The following NCOR2 variants were observed in gnomAD, a reference collection of about 807,000 sequenced individuals.
NCOR2 encodes CTG repeat protein 26.
Under a neutral mutation model 262.9 loss-of-function variants are expected in NCOR2, and 81 were observed. The observed-to-expected ratio is 0.31, with a 90% confidence interval of 0.26 to 0.37. The LOEUF is 0.37. NCOR2 is among the 10% of genes least tolerant of loss of function. The pLI is 1.00. For synonymous variants in NCOR2, 1,659 were observed against 1,559.3 expected (o/e 1.06, Z -1.51); for missense variants, 3,385 against 3,621.4 (o/e 0.93, Z 1.68).
intron 1 of NCOR2, among the ~76,000 whole-genome samples, chr12:124,505,137 A>G (rs2048975169): frequency 6.6e-6 from 1 of 151,876 alleles, no homozygotes; most frequent in Admixed American, 6.6e-5. Context: ...GGCTTTCCCT[A>G]TTTGCCACGT....
chr12:124,555,478 T>C (rs560745649), intron 1 of NCOR2, among the ~76,000 whole-genome samples: 5 of 152,276 alleles, frequency 3.3e-5, no homozygotes, highest in African/African-American at 7.2e-5. Flanking sequence ...GTATACATGC[T>C]CGGGTGTCAT....
At chr12:124,354,277 C>G in intron 26 of NCOR2, 81 bp from the exon 29 acceptor site, 2 of 1,375,074 alleles carry the variant, frequency 1.5e-6, no homozygotes. Flanking sequence ...GCCACCCTGA[C>G]TGAGAGACCC....
chr12:124,438,936 GAC>G (rs1281496552), intron 7 of NCOR2, among the ~76,000 whole-genome samples: 2 of 89,594 alleles, frequency 2.2e-5, no homozygotes, highest in Admixed American at 1.2e-4. Flanking sequence ...GAGACCCAGA[GAC>G]AGAGGGAGAG....
intron 1 of NCOR2, among the ~76,000 whole-genome samples, chr12:124,522,756 C>A (rs2050255835): frequency 2.0e-5 from 3 of 152,376 alleles, no homozygotes; most frequent in Admixed American, 2.0e-4. Flanking sequence ...CCGCTAGTTC[C>A]AGAAAACTGG....
Position 124,418,908 on chromosome 12 carries a change from C to T in NCOR2, c.1482+1049G>A, listed in dbSNP as rs555015750. ...CCCCAGTTTGCAAGGACGCTCCACGCGGCTCGTGCTATTCTTGGCCTTTGT... is the reference window on the plus strand; with the variant it reads ...CCCCAGTTTGCAAGGACGCTCCACGTGGCTCGTGCTATTCTTGGCCTTTGT... On this transcript the variant is annotated intron_variant, in intron 13 of 46. Coordinates refer to ENST00000405201, the Ensembl canonical transcript of NCOR2. Among the ~76,000 whole-genome samples the T allele has an allele frequency of 8.5e-5, 13 of 152,270 alleles. 2 individuals are homozygous for T. The South Asian group carries it at 2.3e-3, about 27-fold the overall frequency.
At chr12:124,445,113 A>C (rs569400961) in intron 7 of NCOR2, among the ~76,000 whole-genome samples, 2 of 152,214 alleles carry the variant, frequency 1.3e-5, no homozygotes, top group Non-Finnish European at 2.9e-5. Context: ...CAACGGAAGA[A>C]ACCGGCTTCC....
In NCOR2 at chr12:124,344,446, G is replaced by T. The variant is rs796139875; in HGVS notation, c.4714+151C>A. 23 of 691,980 alleles carry T rather than the reference G, an allele frequency of 3.3e-5. No homozygotes were observed. In the African/African-American group the frequency reaches 3.8e-4, roughly 11 times the overall value. The allele number at this position is 691,980 out of a possible 1,614,324, so 42.9% of individuals were successfully genotyped here. A position where few individuals can be genotyped will look rare whatever the true frequency, so the allele number is the denominator to read the frequency against. ...AGTTGGACAGGGTTTGGAATCGGAGGCAGAGCCCACGGGCCTGCAGGTGGT... is the reference window on the plus strand; with the variant it reads ...AGTTGGACAGGGTTTGGAATCGGAGTCAGAGCCCACGGGCCTGCAGGTGGT... On this transcript the variant is annotated intron_variant, in intron 32 of 46. Transcript: ENST00000405201.
intron 5 of NCOR2, among the ~76,000 whole-genome samples, chr12:124,465,627 G>A (rs547722810): frequency 6.6e-6 from 1 of 152,276 alleles, no homozygotes; most frequent in South Asian, 2.1e-4. Context: ...CTCAGGCCCT[G>A]TGGTCTGACA....
chr12:124,348,346 C>G, intron 28 of NCOR2, 32 bp from the exon 31 acceptor site: 1 of 1,576,922 alleles, frequency 6.3e-7, no homozygotes, highest in Non-Finnish European at 8.6e-7. Context: ...CGGTGAGGAG[C>G]TGGGCACGGG....
chr12:124,465,059 T>G (rs2046351213), intron 5 of NCOR2, among the ~76,000 whole-genome samples: 1 of 152,174 alleles, frequency 6.6e-6, no homozygotes. Context: ...AGGCTGCCAC[T>G]GCAGGCACCC....
intron 1 of NCOR2, among the ~76,000 whole-genome samples, chr12:124,511,530 G>A (rs2049393082): frequency 6.6e-6 from 1 of 152,206 alleles, no homozygotes; most frequent in Non-Finnish European, 1.5e-5. Flanking sequence ...CCGGGGCCTG[G>A]GGCAAAGCCG....
At chr12:124,471,217 A>G (rs2046815423) in intron 4 of NCOR2, among the ~76,000 whole-genome samples, 1 of 152,192 alleles carries the variant, frequency 6.6e-6, no homozygotes. Context: ...AGCGTCCTTC[A>G]AAACCCAGCT....
rs567555939 is a variant in NCOR2 at position 124,340,982 on chromosome 12, C to T, written c.5189-231G>A. Among the ~76,000 whole-genome samples the T allele has an allele frequency of 3.9e-5, 6 of 152,348 alleles. 1 individual carries two copies. The highest frequency in any genetic ancestry group is 4.1e-4 in the South Asian group (2 of 4,828). On this transcript the variant is annotated intron_variant, in intron 34 of 46. Transcript: ENST00000405201. ...CTCCCAAGCCCGAGCCGGGGCATCT[C>T]CTGCAGCTGCCCTCACTGGTTCCCA...
intron 43 of NCOR2, chr12:124,331,970 A>G (rs1003460884): frequency 1.5e-5 from 4 of 263,706 alleles, no homozygotes; most frequent in East Asian, 8.0e-5. Context: ...AACCACGTCA[A>G]TGGGTGCAAA....
chr12:124,383,395 TG>T, intron 17 of NCOR2: 1 of 321,626 alleles, frequency 3.1e-6, no homozygotes, highest in Non-Finnish European at 5.4e-6. Flanking sequence ...GTGGGATCTC[TG>T]GCTGCATGTT....
chr12:124,412,224 A>G (rs928834252), intron 13 of NCOR2, among the ~76,000 whole-genome samples: 1 of 152,238 alleles, frequency 6.6e-6, no homozygotes, highest in Non-Finnish European at 1.5e-5. Flanking sequence ...TAACCATCCA[A>G]GTTTCAGAAA....
In NCOR2 at chr12:124,443,238, C is replaced by T. The variant is rs2044936793; in HGVS notation, c.816-5242G>A. Among the ~76,000 whole-genome samples the T allele has an allele frequency of 6.6e-6, 1 of 152,198 alleles. No homozygotes were observed. The highest frequency in any genetic ancestry group is 1.5e-5 in the Non-Finnish European group (1 of 68,042). ...AAACGACTCGGTGAGCATGAGGCCT[C>T]GGGGTGGTGGTGATGTGCATGCAGC... is the stretch of plus-strand genomic sequence containing the variant. On this transcript the variant is annotated intron_variant, in intron 7 of 46. Transcript: ENST00000405201. This position sits in a 1 kb window ranked among gnomAD's most constrained non-coding sequence, Gnocchi z 4.4.
intron 13 of NCOR2, among the ~76,000 whole-genome samples, chr12:124,408,471 G>A (rs1820149480): frequency 6.6e-6 from 1 of 152,186 alleles, no homozygotes; most frequent in African/African-American, 2.4e-5. Flanking sequence ...TTATGGCCTG[G>A]CAAGGTAACT....
intron 17 of NCOR2, among the ~76,000 whole-genome samples, chr12:124,384,835 G>A (rs1427159705): frequency 4.6e-5 from 7 of 152,026 alleles, no homozygotes; most frequent in African/African-American, 7.2e-5. Context: ...TAGTCCTGGG[G>A]GAGGGGAGCT....
Sources: gnomAD v4.1 joint callset for allele counts (sites outside exome capture counted in the v4.1 genomes callset) on GRCh38, gnomAD v4.1.1 for gene constraint, Gnocchi (gnomAD v3.1) non-coding constraint, MANE v1.5 for transcripts, NCBI Gene and HGNC (gene_info 2026-07-23, HGNC 2026-07-21) for gene names.